Variants in INPPL1 observed in about 807,000 individuals in gnomAD.
INPPL1 encodes phosphatidylinositol 3,4,5-trisphosphate 5-phosphatase 2.
In INPPL1, 91 loss-of-function variants were observed where a neutral mutation model predicts 139.3. The ratio of observed to expected loss-of-function variants is 0.65; its 90% CI spans 0.55 to 0.78. The LOEUF is 0.78. Ranked by LOEUF, INPPL1 falls within the 30% of genes least tolerant of loss-of-function variation. The pLI is 0.00. For missense variants in INPPL1, 1,411 were observed against 1,665.6 expected, an observed-to-expected ratio of 0.85 and a Z score of 2.66; for synonymous variants, 719 against 686.6, an observed-to-expected ratio of 1.05 and a Z score of -0.74.
At chr11:72,225,281 C>G in intron 1 of INPPL1, 115 bp downstream of exon 1, 4 of 1,220,652 alleles carry the variant, frequency 3.3e-6, no homozygotes, top group African/African-American at 1.6e-5. Context: ...AGACCCGCCT[C>G]CACCCCCCAG....
In INPPL1 at chr11:72,235,140, G is replaced by C. The variant is rs769039713; in HGVS notation, c.2440G>C (p.Glu814Gln). ...PTLKPILADI[E>Q]YLQDQHLLLT... ...GCTCAAACCAATTCTGGCTGATATC[G>C]AGTACCTGCAGGACCAGCACCTCCT... Residue 814 changes from glutamate (E) to glutamine (Q), a missense_variant, in exon 22 of 28, where the codon GAG becomes CAG. Coordinates refer to ENST00000298229, the MANE Select transcript of INPPL1 (RefSeq NM_001567.4). This position sits in a 1 kb window ranked among gnomAD's most constrained non-coding sequence, Gnocchi z 4.9. 4 of 1,613,892 alleles carry C rather than the reference G, an allele frequency of 2.5e-6. No homozygotes were observed. The highest frequency in any genetic ancestry group is 1.1e-5 in the South Asian group (1 of 91,066).
chr11:72,228,603 C>A lies in INPPL1; in HGVS notation c.397+105C>A. 1 of 1,546,456 alleles carries A rather than the reference C, an allele frequency of 6.5e-7. No homozygotes were observed. ...CCACCTCTCCTGTAACCCCCTTTCC[C>A]TTGGCCATGATGCCGGGGCCCTTTA... is the stretch of plus-strand genomic sequence containing the variant. On this transcript the variant is annotated intron_variant, in intron 3 of 27. Coordinates refer to ENST00000298229, the MANE Select transcript of INPPL1 (RefSeq NM_001567.4). This position sits in a 1 kb window ranked among gnomAD's most constrained non-coding sequence, Gnocchi z 5.0.
At position 72,237,498 on chromosome 11, in the gene INPPL1, C is replaced by T. The variant is rs1002098434; in HGVS notation, c.3254C>T (p.Ala1085Val). The change falls in exon 26 of 28, where the codon GCC becomes GTC. Residue 1085 changes from alanine to valine, a missense_variant. Physicochemically the swap from Ala to Val is moderately conservative, Grantham distance 64 (BLOSUM62 0). Coordinates refer to ENST00000298229, the MANE Select transcript of INPPL1 (RefSeq NM_001567.4). ...PVVRGRGGAE[A>V]RGPPPPKAHP... is the part of the protein sequence containing the mutation. The stretch of plus-strand genomic sequence containing the variant: ...GTCCGGGGCCGTGGTGGGGCTGAGG[C>T]CCGTGGCCCACCACCTCCCAAGGCC... 1 of 1,609,328 alleles carries T rather than the reference C, an allele frequency of 6.2e-7. No individual in the cohort carries two copies. The highest frequency in any genetic ancestry group is 8.5e-7 in the Non-Finnish European group (1 of 1,177,202).
Position 72,234,130 on chromosome 11 carries a change from CCT to C in INPPL1, c.2213-150_2213-149del, listed in dbSNP as rs1003086750. On this transcript the variant is annotated intron_variant, in intron 19 of 27. Transcript: ENST00000298229. This position sits in a 1 kb window ranked among gnomAD's most constrained non-coding sequence, Gnocchi z 4.2. ...TCCAGGGTCTGGCCTCTGGAGATTC[CCT>C]GTTGGTGGCTTGGGACTGGGGAGGC... 1 of 636,942 alleles carries C rather than the reference CCT, an allele frequency of 1.6e-6. No individual in the cohort carries two copies. The highest frequency in any genetic ancestry group is 1.8e-5 in the African/African-American group (1 of 54,616). The allele number at this position is 636,942 out of a possible 1,614,324, so 39.5% of individuals were successfully genotyped here.
intron 5 of INPPL1, 51 bp downstream of exon 5, chr11:72,229,281 C>A: frequency 6.5e-7 from 1 of 1,548,536 alleles, no homozygotes; most frequent in South Asian, 1.2e-5. Flanking sequence ...CTGACCTGTC[C>A]TCACCTGCTT....
At chr11:72,227,851 C>G in intron 1 of INPPL1, 1 of 382,054 alleles carries the variant, frequency 2.6e-6, no homozygotes, top group Non-Finnish European at 4.9e-6. Flanking sequence ...GGCGGGGAGC[C>G]CAGACTGGTA....
At chr11:72,226,492 T>C (rs1354315117) in intron 1 of INPPL1, among the ~76,000 whole-genome samples, 1 of 152,100 alleles carries the variant, frequency 6.6e-6, no homozygotes, top group East Asian at 1.9e-4. Context: ...GGAGACATTT[T>C]TAATTGTCAC....
At chr11:72,233,894 A>G in intron 19 of INPPL1, 150 bp downstream of exon 19, 1 of 685,450 alleles carries the variant, frequency 1.5e-6, no homozygotes, top group Non-Finnish European at 2.6e-6. Flanking sequence ...GTGATGTGTC[A>G]GGGTGTCTGT....
Position 72,228,163 on chromosome 11 carries a change from C to T in INPPL1, c.183-27C>T, listed in dbSNP as rs751871217. ...GTCTTAGACCCCAGCCTGGGGGTGA[C>T]AGATTCTGGCCCTGCCTTGGCATCA... On this transcript the variant is annotated intron_variant, in intron 1 of 27. Coordinates refer to ENST00000298229, the MANE Select transcript of INPPL1 (RefSeq NM_001567.4). This position sits in a 1 kb window ranked among gnomAD's most constrained non-coding sequence, Gnocchi z 5.0. The T allele has an allele frequency of 4.3e-6, 7 of 1,613,704 alleles. No homozygotes were observed. In the South Asian group the frequency reaches 7.7e-5, roughly 18 times the overall value.
Position 72,230,431 on chromosome 11 carries a change from G to A in INPPL1, c.1160G>A (p.Arg387Gln), listed in dbSNP as rs200043222. Residue 387 changes from arginine to glutamine, a missense_variant, in exon 10 of 28, where the codon CGG (arginine) becomes CAG (glutamine). Around this residue, in one of 5 missense-constraint regions of INPPL1, gnomAD observed 504 missense variants for 595.6 expected, o/e 0.85. Coordinates refer to ENST00000298229, the MANE Select transcript of INPPL1 (RefSeq NM_001567.4). ...GTTGTGTTTGAGAAGGAGAAGGACCGGACTCAGCGCAAGGACTTCATCTTT... is the reference window on the plus strand; with the variant it reads ...GTTGTGTTTGAGAAGGAGAAGGACCAGACTCAGCGCAAGGACTTCATCTTT... Reference protein sequence around the residue: ...LGVVFEKEKDRTQRKDFIFVS... With the variant: ...LGVVFEKEKDQTQRKDFIFVS... The A allele has an allele frequency of 1.1e-5, 18 of 1,614,052 alleles. No individual in the cohort carries two copies. Among genetic ancestry groups the A allele is most frequent in the Admixed American group, 1.7e-5 (1 of 60,034 alleles).
chr11:72,235,618 T>G lies in INPPL1; in HGVS notation c.2660-57T>G, dbSNP rs1322569825. 3.8e-6 allele frequency: 6 copies of G among 1,591,862 alleles called. No homozygotes were observed. The highest frequency in any genetic ancestry group is 1.3e-5 in the African/African-American group (1 of 74,358). On this transcript the variant is annotated intron_variant, in intron 23 of 27. Transcript: ENST00000298229. This position sits in a 1 kb window ranked among gnomAD's most constrained non-coding sequence, Gnocchi z 4.9. ...GGAAAGGGCTGGCAGGCCCACTGGG[T>G]GTCTGTGGGATCCAGGAGCCCAGGT... is the stretch of plus-strand genomic sequence containing the variant.
At chr11:72,227,977 GGGGGT>G in intron 1 of INPPL1, 8 of 570,204 alleles carry the variant, frequency 1.4e-5, no homozygotes, top group South Asian at 6.1e-5. Flanking sequence ...GTGGGGAGAC[GGGGGT>G]GTTCTGGTCA....
chr11:72,233,201 A>G (rs1284160256), intron 17 of INPPL1, 38 bp downstream of exon 17: 1 of 1,572,922 alleles, frequency 6.4e-7, no homozygotes, highest in Admixed American at 1.7e-5. Flanking sequence ...GGGGGACCGC[A>G]GGCCTGCGAT....
intron 1 of INPPL1, among the ~76,000 whole-genome samples, chr11:72,227,091 A>G (rs1331285898): frequency 2.6e-5 from 4 of 152,164 alleles, no homozygotes; most frequent in Non-Finnish European, 4.4e-5. Flanking sequence ...GCTTACCTGT[A>G]TACATTCCGG....
Position 72,235,602 on chromosome 11 carries a change from T to C in INPPL1, c.2660-73T>C. ...CCCCAAGGCATAGCTGGGAAAGGGCTGGCAGGCCCACTGGGTGTCTGTGGG... is the reference window on the plus strand; with the variant it reads ...CCCCAAGGCATAGCTGGGAAAGGGCCGGCAGGCCCACTGGGTGTCTGTGGG... On this transcript the variant is annotated intron_variant, in intron 23 of 27. Transcript: ENST00000298229. The surrounding 1 kb of genome is among the most constrained non-coding windows in gnomAD (Gnocchi z 4.9). The C allele has an allele frequency of 6.3e-7, 1 of 1,588,178 alleles. No homozygotes were observed.
chr11:72,235,808 C>A lies in INPPL1; in HGVS notation c.2739-38C>A. 1 of 1,613,234 alleles carries A rather than the reference C, an allele frequency of 6.2e-7. No individual in the cohort carries two copies. Among genetic ancestry groups the A allele is most frequent in the Non-Finnish European group, 8.5e-7 (1 of 1,179,594 alleles). ...GAAAGGGTACCTGGGGGCATCTGGT[C>A]AACCCCACTTCATCTCTCTCCTGTG... is the stretch of plus-strand genomic sequence containing the variant. On this transcript the variant is annotated intron_variant, in intron 24 of 27. Transcript: ENST00000298229. The surrounding 1 kb of genome is among the most constrained non-coding windows in gnomAD (Gnocchi z 4.9).
rs1453588278 is a variant in INPPL1, at chr11:72,232,352, T to C, written c.1712+16T>C. 6.5e-7 allele frequency: 1 copy of C among 1,546,674 alleles called. No homozygotes were observed. Among genetic ancestry groups the C allele is most frequent in the African/African-American group, 1.4e-5 (1 of 72,842 alleles). On this transcript the variant is annotated intron_variant, in intron 14 of 27. Transcript: ENST00000298229. ...AGACGGCTCGGTGAGGGGGCGCCTT[T>C]CCCATGGTCTCTTTACACCCATCCC...
intron 14 of INPPL1, 52 bp from the exon 15 acceptor site, chr11:72,232,574 T>C (rs1425837404): frequency 1.9e-6 from 3 of 1,599,636 alleles, no homozygotes; most frequent in Non-Finnish European, 2.6e-6. Context: ...CCCTGACTTC[T>C]GGCCCTGACC....
chr11:72,234,512 C>A lies in INPPL1; in HGVS notation c.2327-15C>A. ...GAGGTGGTGCTCAGTTGGGTGTCTC[C>A]CACCCCCACCCCAGAATACAAGAAG... On this transcript the variant is annotated splice_polypyrimidine_tract_variant and intron_variant, in intron 20 of 27. Coordinates refer to ENST00000298229, the MANE Select transcript of INPPL1 (RefSeq NM_001567.4). This position sits in a 1 kb window ranked among gnomAD's most constrained non-coding sequence, Gnocchi z 4.2. 1 of 1,590,378 alleles carries A rather than the reference C, an allele frequency of 6.3e-7. No homozygotes were observed. The highest frequency in any genetic ancestry group is 8.6e-7 in the Non-Finnish European group (1 of 1,158,632).
Sources: gnomAD v4.1 joint callset for allele counts (sites outside exome capture counted in the v4.1 genomes callset) on GRCh38, gnomAD v4.1.1 for gene constraint, gnomAD v4.1.1 regional missense constraint, Gnocchi (gnomAD v3.1) non-coding constraint, MANE v1.5 for transcripts, NCBI Gene and HGNC (gene_info 2026-07-23, HGNC 2026-07-21) for gene names.